The following FAF2 variants were observed in gnomAD, a reference collection of about 807,000 sequenced individuals.
The protein encoded by FAF2 is Fas associated factor family member 2.
Under a neutral mutation model 62.3 loss-of-function variants are expected in FAF2, and 9 were observed. The ratio of observed to expected loss-of-function variants is 0.14; its 90% CI spans 0.09 to 0.25. The LOEUF is 0.25. Ranked by LOEUF, FAF2 falls within the 10% of genes least tolerant of loss-of-function variation. FAF2 has a pLI of 1.00. For missense variants in FAF2, 368 were observed against 556.2 expected (o/e 0.66, Z 3.40); for synonymous variants, 202 against 198.0 (o/e 1.02, Z -0.17).
chr5:176,496,810 A>G, intron 8 of FAF2, 147 bp downstream of exon 8: 1 of 546,292 alleles, frequency 1.8e-6, no homozygotes, highest in Non-Finnish European at 3.0e-6. Context: ...AAATATTTAC[A>G]TACTTTGACC....
At position 176,509,553 on chromosome 5, in the gene FAF2, T is replaced by C. The variant is rs1412500552; in HGVS notation, c.*2603T>C. On this transcript the variant is annotated 3_prime_UTR_variant, in exon 11 of 11. Transcript: ENST00000261942. ...GAAGTGACCAAGCAAAGACACTCGA[T>C]TGGAGTCAGTTGAATATTTGTACCC... The C allele has an allele frequency of 1.3e-5, 2 of 152,536 alleles. No individual in the cohort carries two copies. Among genetic ancestry groups the C allele is most frequent in the African/African-American group, 2.4e-5 (1 of 41,434 alleles). The allele number at this position is 152,536 out of a possible 1,614,324, so 9.4% of individuals were successfully genotyped here. A position where few individuals can be genotyped will look rare whatever the true frequency, so the allele number is the denominator to read the frequency against.
intron 1 of FAF2, among the ~76,000 whole-genome samples, chr5:176,449,364 C>G (rs748813167): frequency 1.2e-4 from 19 of 152,216 alleles, no homozygotes; most frequent in Non-Finnish European, 8.8e-5. Flanking sequence ...ATCACGAGGT[C>G]AGGAGTTCGA....
At position 176,451,885 on chromosome 5, in the gene FAF2, T is replaced by C. The variant is rs1436907456; in HGVS notation, c.63+3415T>C. On this transcript the variant is annotated intron_variant, in intron 1 of 10. Transcript: ENST00000261942. ...ATATATATATACACACATATATATA[T>C]ATATATATTTTTTTTTTTTTTTTTT... Among the ~76,000 whole-genome samples, 51 of 24,486 alleles carry C rather than the reference T, an allele frequency of 2.1e-3. 4 individuals are homozygous for C. In the South Asian group the frequency reaches 0.043, roughly 20 times the overall value. 16.1% of individuals were successfully genotyped at this position (24,486 alleles called of 152,430 possible).
chr5:176,466,702 T>C (rs2113723587), intron 1 of FAF2, among the ~76,000 whole-genome samples: 1 of 152,334 alleles, frequency 6.6e-6, no homozygotes, highest in Non-Finnish European at 1.5e-5. Context: ...CACCTTCTTG[T>C]CTTCTGACTT....
chr5:176,448,520 G>A (rs1465711855), intron 1 of FAF2, 50 bp downstream of exon 1: 3 of 1,527,916 alleles, frequency 2.0e-6, no homozygotes, highest in Admixed American at 2.1e-5. Context: ...ATGGGGAGTA[G>A]GCCCCTAGAG....
intron 2 of FAF2, among the ~76,000 whole-genome samples, chr5:176,483,483 G>C (rs764634009): frequency 3.3e-5 from 5 of 152,092 alleles, no homozygotes; most frequent in African/African-American, 9.7e-5. Context: ...TTTGCATGTG[G>C]ATATCCAATT....
At chr5:176,506,151 A>G (rs1170914689) in intron 10 of FAF2, among the ~76,000 whole-genome samples, 1 of 147,786 alleles carries the variant, frequency 6.8e-6, no homozygotes, top group African/African-American at 2.5e-5. Context: ...AGATGGCGCC[A>G]TTGCACTCCA....
rs1286931425 is a variant in FAF2, at chr5:176,509,964, GA to G, written c.*3016del. ...CAGTGCCCCAACTTGTACTGCGCCTGAATAGTCATGTGATAATTTACTGAAG... is the reference window on the plus strand; with the variant it reads ...CAGTGCCCCAACTTGTACTGCGCCTGATAGTCATGTGATAATTTACTGAAG... On this transcript the variant is annotated 3_prime_UTR_variant, in exon 11 of 11. Transcript: ENST00000261942. 8 of 152,770 alleles carry G rather than the reference GA, an allele frequency of 5.2e-5. No homozygotes were observed. The East Asian group carries it at 1.5e-3, about 29-fold the overall frequency. 9.5% of individuals were successfully genotyped at this position (152,770 alleles called of 1,614,324 possible).
chr5:176,492,997 G>A (rs937504870), intron 5 of FAF2, among the ~76,000 whole-genome samples: 1 of 152,146 alleles, frequency 6.6e-6, no homozygotes, highest in African/African-American at 2.4e-5. Context: ...TTTGACTCAA[G>A]ACCTCACCAT....
At chr5:176,500,249 A>C (rs895559016) in intron 10 of FAF2, 103 bp downstream of exon 10, 2 of 1,134,836 alleles carry the variant, frequency 1.8e-6, no homozygotes, top group Admixed American at 4.1e-5. Flanking sequence ...TGCTGCTCTG[A>C]TGAACAGGGA....
chr5:176,456,702 T>C (rs1758282678), intron 1 of FAF2, among the ~76,000 whole-genome samples: 1 of 152,214 alleles, frequency 6.6e-6, no homozygotes, highest in Non-Finnish European at 1.5e-5. Flanking sequence ...AGGCTTATGA[T>C]ATATTTTGAT....
At position 176,496,535 on chromosome 5, in the gene FAF2, G is replaced by A. The variant is rs1755488477; in HGVS notation, c.711G>A (p.Met237Ile). The A allele has an allele frequency of 6.2e-7, 1 of 1,612,424 alleles. No homozygotes were observed. The highest frequency in any genetic ancestry group is 1.1e-5 in the South Asian group (1 of 90,928). The change falls in exon 8 of 11, where the codon ATG becomes ATA. Residue 237 changes from methionine to isoleucine, a missense_variant. Transcript: ENST00000261942. ...ENTYPFLAMIMLKDRRMTVVG... is the reference protein window; with the variant it reads ...ENTYPFLAMIILKDRRMTVVG... The stretch of plus-strand genomic sequence containing the variant: ...CCTATCCATTCCTGGCCATGATTAT[G>A]CTGAAGGATCGAAGGATGACTGTGG...
chr5:176,482,836 C>G (rs1758805880), intron 2 of FAF2, among the ~76,000 whole-genome samples: 1 of 151,962 alleles, frequency 6.6e-6, no homozygotes, highest in Non-Finnish European at 1.5e-5. Flanking sequence ...ATTTAATTTG[C>G]AAATGTTTTC....
intron 2 of FAF2, among the ~76,000 whole-genome samples, chr5:176,481,499 T>C (rs1319755917): frequency 6.6e-6 from 1 of 151,926 alleles, no homozygotes; most frequent in Non-Finnish European, 1.5e-5. Flanking sequence ...CTACTAAAAA[T>C]ATAAAAAATT....
chr5:176,460,698 TC>T (rs1758363704), intron 1 of FAF2, among the ~76,000 whole-genome samples: 1 of 152,070 alleles, frequency 6.6e-6, no homozygotes, highest in Admixed American at 6.6e-5. Flanking sequence ...ACGCCTGTAA[TC>T]CCAGCACTTT....
intron 1 of FAF2, among the ~76,000 whole-genome samples, chr5:176,449,273 G>A (rs1020805828): frequency 6.6e-6 from 1 of 152,158 alleles, no homozygotes; most frequent in African/African-American, 2.4e-5. Flanking sequence ...TGAAAGGACT[G>A]TCTTAAAAAT....
intron 1 of FAF2, among the ~76,000 whole-genome samples, chr5:176,454,379 G>A (rs574395583): frequency 2.4e-4 from 37 of 151,838 alleles, no homozygotes; most frequent in Non-Finnish European, 4.1e-4. Flanking sequence ...GGGCAACAGA[G>A]TGCGACTCCG....
At chr5:176,451,725 A>G (rs1205170504) in intron 1 of FAF2, among the ~76,000 whole-genome samples, 1 of 139,184 alleles carries the variant, frequency 7.2e-6, no homozygotes, top group Non-Finnish European at 1.5e-5. Context: ...CGATATATAT[A>G]GATATATATA....
At chr5:176,471,375 C>CTTTTTTTTTTTTTT (rs138149987) in intron 1 of FAF2, among the ~76,000 whole-genome samples, 2 of 97,620 alleles carry the variant, frequency 2.0e-5, no homozygotes, top group Non-Finnish European at 3.9e-5. Flanking sequence ...TCTGTACATT[C>CTTTTTTTTTTTTTT]TTTTTTTTTT....
Sources: gnomAD v4.1 joint callset for allele counts (sites outside exome capture counted in the v4.1 genomes callset) on GRCh38, gnomAD v4.1.1 for gene constraint, MANE v1.5 for transcripts, NCBI Gene and HGNC (gene_info 2026-07-23, HGNC 2026-07-21) for gene names.